The following SV2C variants were observed in gnomAD, a reference collection of about 807,000 sequenced individuals.
The protein encoded by SV2C is synaptic vesicle glycoprotein 2C, also known as solute carrier family 22 member B3.
In SV2C, 49 loss-of-function variants were observed where a neutral mutation model predicts 79.7. The observed-to-expected ratio is 0.61, with a 90% CI of 0.49 to 0.78. The LOEUF (loss-of-function observed/expected upper bound fraction) is 0.78, where lower values mean the gene tolerates loss of function less well. SV2C is among the 30% of genes least tolerant of loss of function. The pLI is 0.00. For synonymous variants in SV2C, 334 were observed against 333.2 expected (o/e 1.00, Z -0.03); for missense variants, 833 against 912.9 (o/e 0.91, Z 1.13).
At chr5:76,152,987 A>G (rs1212189808) in intron 2 of SV2C, among the ~76,000 whole-genome samples, 2 of 152,214 alleles carry the variant, frequency 1.3e-5, no homozygotes, top group African/African-American at 4.8e-5. Context: ...GAAATAAATT[A>G]TATAGCTGCT....
intron 4 of SV2C, among the ~76,000 whole-genome samples, chr5:76,275,195 A>C (rs1746986145): frequency 6.6e-6 from 1 of 152,212 alleles, no homozygotes; most frequent in African/African-American, 2.4e-5. Context: ...ACAGTCAAAT[A>C]CAGATCAGTA....
downstream of SV2C, among the ~76,000 whole-genome samples, chr5:76,337,989 G>A (rs761710180): frequency 9.2e-5 from 14 of 152,268 alleles, no homozygotes; most frequent in Middle Eastern, 3.4e-3. Flanking sequence ...TGGCTCCAAG[G>A]GGAGCCAGGG....
intron 4 of SV2C, among the ~76,000 whole-genome samples, chr5:76,227,198 C>T (rs1745277757): frequency 6.6e-6 from 1 of 152,182 alleles, no homozygotes; most frequent in Admixed American, 6.5e-5. Flanking sequence ...GCATGACGGC[C>T]TGTACTGCAC....
the SV2C span, among the ~76,000 whole-genome samples, chr5:75,852,597 GA>G: frequency 6.6e-6 from 1 of 152,072 alleles, no homozygotes; most frequent in Admixed American, 6.5e-5. Flanking sequence ...GACATTTTCA[GA>G]AAAATGAAAG....
chr5:76,338,810 A>C (rs1749380728), downstream of SV2C, among the ~76,000 whole-genome samples: 1 of 151,904 alleles, frequency 6.6e-6, no homozygotes, highest in African/African-American at 2.4e-5. Flanking sequence ...GGCACCTGCC[A>C]TTATGCTTGG....
intron 3 of SV2C, among the ~76,000 whole-genome samples, chr5:76,200,362 A>G (rs890228017): frequency 1.3e-5 from 2 of 152,264 alleles, no homozygotes; most frequent in East Asian, 1.9e-4. Flanking sequence ...TAGTTCAGAG[A>G]GTCCAAACTT....
chr5:76,286,378 GC>G (rs1747359067), intron 6 of SV2C, among the ~76,000 whole-genome samples: 1 of 151,996 alleles, frequency 6.6e-6, no homozygotes, highest in South Asian at 2.1e-4. Context: ...GTGACACTCA[GC>G]CCCCACAAAG....
At chr5:76,270,136 C>T (rs1209157115) in intron 4 of SV2C, among the ~76,000 whole-genome samples, 1 of 152,208 alleles carries the variant, frequency 6.6e-6, no homozygotes, top group Non-Finnish European at 1.5e-5. Context: ...AAGTGGATTG[C>T]ATCTCTGCCA....
the SV2C span, among the ~76,000 whole-genome samples, chr5:75,979,826 C>A: frequency 3.3e-5 from 5 of 151,968 alleles, no homozygotes; most frequent in Non-Finnish European, 7.4e-5. Flanking sequence ...AATTAGAGAA[C>A]CAAGGGCAGA....
At chr5:75,987,151 A>T in the SV2C span, among the ~76,000 whole-genome samples, 1 of 151,958 alleles carries the variant, frequency 6.6e-6, no homozygotes, top group Admixed American at 6.6e-5. Flanking sequence ...TAAGTTATAA[A>T]GTCCATTGTT....
At chr5:76,113,362 G>C (rs1037605242) in intron 1 of SV2C, among the ~76,000 whole-genome samples, 1 of 152,250 alleles carries the variant, frequency 6.6e-6, no homozygotes. Flanking sequence ...TGTATGCATA[G>C]CATCTAAGGA....
intron 1 of SV2C, chr5:76,091,932 T>A (rs1222614388): frequency 1.3e-5 from 2 of 152,322 alleles, no homozygotes; most frequent in East Asian, 3.9e-4. Flanking sequence ...TATCAGAACC[T>A]GATCACATTA....
At chr5:75,934,305 T>TTTTTTC in the SV2C span, among the ~76,000 whole-genome samples, 6 of 141,786 alleles carry the variant, frequency 4.2e-5, no homozygotes, top group African/African-American at 1.7e-4. Flanking sequence ...TTTCTTTCTT[T>TTTTTTC]TTTTTTTTTT....
chr5:75,948,992 C>G, the SV2C span, among the ~76,000 whole-genome samples: 64 of 151,930 alleles, frequency 4.2e-4, no homozygotes, highest in Admixed American at 3.7e-3. Context: ...GGAGATGGAG[C>G]CTGGTGGGAG....
chr5:75,907,937 C>A, the SV2C span, among the ~76,000 whole-genome samples: 1 of 152,220 alleles, frequency 6.6e-6, no homozygotes, highest in Non-Finnish European at 1.5e-5. Context: ...GCACACACAG[C>A]CATCTCTTCA....
At chr5:75,940,255 T>G in the SV2C span, among the ~76,000 whole-genome samples, 5,178 of 152,120 alleles carry the variant, frequency 0.034, 298 homozygotes, top group African/African-American at 0.12. Context: ...TCCGGGCTAC[T>G]TGGGAGGCTG....
chr5:75,882,397 T>G, the SV2C span, among the ~76,000 whole-genome samples: 1 of 147,830 alleles, frequency 6.8e-6, no homozygotes, highest in Admixed American at 6.7e-5. Context: ...TGGAAAAAAC[T>G]ACTTTAAAGT....
chr5:76,257,508 TG>T lies in SV2C; in HGVS notation c.914-27652del, dbSNP rs201164092. ...TGTGGGAGTGTCCTGTGTGTGAGGGTGGTGTGTGGTGTGGTGTATGAGCGTG... is the reference window on the plus strand; with the variant it reads ...TGTGGGAGTGTCCTGTGTGTGAGGGTGTGTGTGGTGTGGTGTATGAGCGTG... On this transcript the variant is annotated intron_variant, in intron 4 of 12. Transcript: ENST00000502798. 3.8e-3 allele frequency among the ~76,000 whole-genome samples: 572 copies of T among 149,922 alleles called. 1 individual carries two copies. The highest frequency in any genetic ancestry group is 4.7e-3 in the Non-Finnish European group (316 of 67,306).
downstream of SV2C, among the ~76,000 whole-genome samples, chr5:76,337,351 T>A (rs1192776771): frequency 6.6e-6 from 1 of 152,112 alleles, no homozygotes; most frequent in Non-Finnish European, 1.5e-5. Context: ...TCCAACCCCA[T>A]CCAGTACCTA....
Sources: allele counts gnomAD v4.1 joint callset (sites outside exome capture counted in the v4.1 genomes callset), GRCh38; gene constraint gnomAD v4.1.1; transcripts MANE v1.5; gene names NCBI Gene and HGNC (gene_info 2026-07-23, HGNC 2026-07-21).